The following CNBD1 variants were observed in gnomAD, a reference collection of about 807,000 sequenced individuals.
The protein encoded by CNBD1 is cyclic nucleotide binding domain containing 1.
CNBD1 carries 71 observed loss-of-function variants against 54.4 expected under a neutral mutation model. That is an observed-to-expected ratio of 1.30 (90% confidence interval 1.08 to 1.59). The LOEUF (loss-of-function observed/expected upper bound fraction) is 1.59. Among genes scored for constraint, CNBD1 ranks in the 40% most tolerant of loss-of-function variants. The probability of loss-of-function intolerance (pLI) is 0.00; values close to 1 mark genes in which losing one functional copy is unlikely to be tolerated. For synonymous variants in CNBD1, 182 were observed against 170.7 expected (o/e 1.07, Z -0.51); for missense variants, 659 against 518.0 (o/e 1.27, Z -2.64).
chr8:87,088,696 C>T (rs1257504769), intron 4 of CNBD1, among the ~76,000 whole-genome samples: 1 of 152,040 alleles, frequency 6.6e-6, no homozygotes, highest in East Asian at 1.9e-4. Flanking sequence ...TTCATTAATT[C>T]TACTTCTCTT....
intron 4 of CNBD1, among the ~76,000 whole-genome samples, chr8:87,167,756 T>C (rs1037617665): frequency 6.6e-6 from 1 of 152,030 alleles, no homozygotes. Flanking sequence ...GATCAAAATA[T>C]GGGAGGATAT....
rs76223291 is a variant in CNBD1, at chr8:87,157,205, C to T, written c.432-48788C>T. 2.8e-3 allele frequency among the ~76,000 whole-genome samples: 422 copies of T among 152,262 alleles called. 4 individuals are homozygous for T. Among genetic ancestry groups the T allele is most frequent in the African/African-American group, 9.4e-3 (391 of 41,556 alleles). On this transcript the variant is annotated intron_variant, in intron 4 of 10. Coordinates refer to ENST00000518476, the MANE Select transcript of CNBD1 (RefSeq NM_173538.3). ...CATACCACTTGATTTCTAGATTTAA[C>T]GCTGATTAACAATGCACTTTCTTTT...
chr8:87,381,263 G>A (rs564140473), intron 10 of CNBD1, among the ~76,000 whole-genome samples: 2 of 151,912 alleles, frequency 1.3e-5, no homozygotes, highest in Admixed American at 6.6e-5. Flanking sequence ...CATACAAATG[G>A]CCAGCATGTG....
In CNBD1 at chr8:87,263,078, G is replaced by A. The variant is rs539919891; in HGVS notation, c.772-21600G>A. On this transcript the variant is annotated intron_variant, in intron 6 of 10. Transcript: ENST00000518476. ...AGGGTTAGTGGAGCTCCTTTTATAT[G>A]TGTTCCTTGTAAGATGTCACCTGGA... 8.3e-4 allele frequency among the ~76,000 whole-genome samples: 127 copies of A among 152,204 alleles called. 2 individuals carry two copies. Among genetic ancestry groups the A allele is most frequent in the Non-Finnish European group, 1.6e-3 (109 of 68,008 alleles).
At chr8:87,346,853 T>C (rs570108992) in intron 8 of CNBD1, among the ~76,000 whole-genome samples, 2 of 152,194 alleles carry the variant, frequency 1.3e-5, no homozygotes, top group East Asian at 1.9e-4. Context: ...TGAAAATGAA[T>C]GTTTAGTTAA....
At chr8:87,397,234 GATA>G (rs960163274) in intron 2 of CNBD1, among the ~76,000 whole-genome samples, 1 of 151,814 alleles carries the variant, frequency 6.6e-6, no homozygotes, top group African/African-American at 2.4e-5. Context: ...TTAGGCAAGT[GATA>G]ATAATATTTA....
At chr8:87,259,168 G>A (rs1339528391) in intron 6 of CNBD1, among the ~76,000 whole-genome samples, 1 of 152,062 alleles carries the variant, frequency 6.6e-6, no homozygotes, top group African/African-American at 2.4e-5. Context: ...ACTTATACAG[G>A]CTATCTACGA....
intron 5 of CNBD1, among the ~76,000 whole-genome samples, chr8:87,228,939 A>G (rs60301731): frequency 0.078 from 11,873 of 152,114 alleles, 1,456 homozygotes; most frequent in African/African-American, 0.26. Context: ...ATATAATCTC[A>G]TGGTGCGCCG....
At chr8:87,314,904 TGGATA>T (rs1809349706) in intron 8 of CNBD1, among the ~76,000 whole-genome samples, 1 of 152,034 alleles carries the variant, frequency 6.6e-6, no homozygotes, top group South Asian at 2.1e-4. Context: ...AACTTGTTCT[TGGATA>T]GGAAAATGCT....
At position 87,066,847 on chromosome 8, in the gene CNBD1, T is replaced by C. The variant is rs62527272; in HGVS notation, c.431+127093T>C. Among the ~76,000 whole-genome samples the C allele has an allele frequency of 5.9e-3, 903 of 152,126 alleles. 2 individuals carry two copies. Among genetic ancestry groups the C allele is most frequent in the Non-Finnish European group, 9.8e-3 (666 of 67,856 alleles). Reference sequence around the variant, plus strand: ...TAAGTTAAAATTATCATTAAATATTTATTTTAATTTTACTTCCTATAATTA... The same window carrying C: ...TAAGTTAAAATTATCATTAAATATTCATTTTAATTTTACTTCCTATAATTA... On this transcript the variant is annotated intron_variant, in intron 4 of 10. Transcript: ENST00000518476.
intron 6 of CNBD1, among the ~76,000 whole-genome samples, chr8:87,239,173 A>G (rs1807639658): frequency 6.6e-6 from 1 of 152,170 alleles, no homozygotes; most frequent in Non-Finnish European, 1.5e-5. Context: ...ATAGAAATCA[A>G]GGCAGACAAT....
intron 4 of CNBD1, among the ~76,000 whole-genome samples, chr8:86,982,198 A>T (rs1484766116): frequency 6.6e-6 from 1 of 152,136 alleles, no homozygotes; most frequent in Non-Finnish European, 1.5e-5. Context: ...TGCCACTTAT[A>T]TGTCTTTTGT....
At chr8:87,133,460 A>C (rs1254095147) in intron 4 of CNBD1, among the ~76,000 whole-genome samples, 5 of 152,198 alleles carry the variant, frequency 3.3e-5, no homozygotes. Flanking sequence ...AGCTATGTGT[A>C]TCAGTCAGTT....
intron 4 of CNBD1, among the ~76,000 whole-genome samples, chr8:87,032,171 C>G (rs1324978799): frequency 6.6e-6 from 1 of 152,098 alleles, no homozygotes; most frequent in East Asian, 1.9e-4. Context: ...CTAATCTAGT[C>G]AGTTTTTTAA....
chr8:87,335,893 A>T (rs1402246596), intron 8 of CNBD1, among the ~76,000 whole-genome samples: 1 of 152,194 alleles, frequency 6.6e-6, no homozygotes, highest in Non-Finnish European at 1.5e-5. Context: ...CTTGCAAGGC[A>T]GGCCTGGTGG....
intron 4 of CNBD1, among the ~76,000 whole-genome samples, chr8:87,173,566 G>T (rs541515812): frequency 1.4e-4 from 21 of 152,064 alleles, no homozygotes; most frequent in Non-Finnish European, 2.8e-4. Context: ...CTATTCTAGG[G>T]TAAAAAGTTT....
At chr8:87,406,967 T>C (rs1807663175) in intron 2 of CNBD1, among the ~76,000 whole-genome samples, 1 of 152,138 alleles carries the variant, frequency 6.6e-6, no homozygotes, top group South Asian at 2.1e-4. Context: ...TTTATAGTTT[T>C]AATTATAAAA....
At chr8:87,135,440 G>A (rs1812208298) in intron 4 of CNBD1, among the ~76,000 whole-genome samples, 1 of 151,280 alleles carries the variant, frequency 6.6e-6, no homozygotes, top group African/African-American at 2.4e-5. Context: ...TTTAGCAAAT[G>A]TCATGGTAGA....
Position 87,368,093 on chromosome 8 carries a change from T to G in CNBD1, c.1303+14307T>G, listed in dbSNP as rs1586052048. On this transcript the variant is annotated intron_variant, in intron 10 of 10. Transcript: ENST00000518476. ...AGGAGAATTGCTTGAACCCAGGAGG[T>G]GGAGGTTGCAGTGAGCCTAGATCAC... Among the ~76,000 whole-genome samples, 7 of 151,176 alleles carry G rather than the reference T, an allele frequency of 4.6e-5. No homozygotes were observed. In the South Asian group the frequency reaches 1.5e-3, roughly 32 times the overall value.
Sources: gnomAD v4.1 joint callset for allele counts (sites outside exome capture counted in the v4.1 genomes callset) on GRCh38, gnomAD v4.1.1 for gene constraint, MANE v1.5 for transcripts, NCBI Gene and HGNC (gene_info 2026-07-23, HGNC 2026-07-21) for gene names.